Variants in EYA1 observed in about 807,000 individuals in gnomAD.
EYA1 encodes the protein EYA transcriptional coactivator and phosphatase 1.
In EYA1, 16 loss-of-function variants were observed where a neutral mutation model predicts 82.0. The observed-to-expected ratio is 0.20, with a 90% confidence interval of 0.13 to 0.30. The LOEUF is 0.30. Ranked by LOEUF, EYA1 falls within the 10% of genes least tolerant of loss-of-function variation. EYA1 has a pLI of 1.00. For synonymous variants in EYA1, 261 were observed against 264.4 expected (o/e 0.99, Z 0.12); for missense variants, 633 against 730.7 (o/e 0.87, Z 1.54).
At chr8:71,411,794 G>T (rs1372216538) in intron 2 of EYA1, among the ~76,000 whole-genome samples, 6 of 145,470 alleles carry the variant, frequency 4.1e-5, no homozygotes, top group Non-Finnish European at 7.5e-5. Context: ...CTGTAAACTA[G>T]TTCAACCATT....
chr8:71,390,725 G>A (rs1256924619), intron 2 of EYA1, among the ~76,000 whole-genome samples: 2 of 151,894 alleles, frequency 1.3e-5, no homozygotes, highest in Non-Finnish European at 2.9e-5. Flanking sequence ...ATTTTTTTCT[G>A]CATCAATTTA....
At chr8:71,236,902 A>G (rs539578194) in intron 12 of EYA1, among the ~76,000 whole-genome samples, 1 of 152,346 alleles carries the variant, frequency 6.6e-6, no homozygotes, top group East Asian at 1.9e-4. Flanking sequence ...TTCTGAATAC[A>G]TATTATGAAA....
rs751887655 is a variant in EYA1, at chr8:71,217,023, C to G, written c.1141G>C (p.Glu381Gln). ...TCATCTATATGGACTTGGTCACATT[C>G]CTAAAATGCAATTAAAATGATACAT... Reference protein sequence around the residue: ...DTHLFFNDLEECDQVHIDDVS... With the variant: ...DTHLFFNDLEQCDQVHIDDVS... The change falls in exon 13 of 18, where the codon GAA becomes CAA. Residue 381 changes from glutamate (E) to glutamine (Q), a missense_variant and splice_region_variant. Glu to Gln is a conservative substitution (Grantham distance 29). Coordinates refer to ENST00000340726, the MANE Select transcript of EYA1 (RefSeq NM_000503.6). 1 of 1,611,466 alleles carries G rather than the reference C, an allele frequency of 6.2e-7. No homozygotes were observed. Among genetic ancestry groups the G allele is most frequent in the Non-Finnish European group, 8.5e-7 (1 of 1,177,736 alleles).
At position 71,215,630 on chromosome 8, in the gene EYA1, A is replaced by G. The variant is rs121909200; in HGVS notation, c.1459T>C (p.Ser487Pro). ...GAGCCTCACCGGGAGTGAATGAGCG[A>G]GAGTGCTTTCAGGGCCAGTGTCAAC... ...SWLTLALKAL[S>P]LIHSRTNCVN... Residue 487 changes from serine (S) to proline (P), a missense_variant, in exon 15 of 18, where the codon TCG becomes CCG. Physicochemically the swap from Ser to Pro is moderately conservative, Grantham distance 74. Coordinates refer to ENST00000340726, the MANE Select transcript of EYA1 (RefSeq NM_000503.6). The G allele has an allele frequency of 6.2e-7, 1 of 1,614,096 alleles. No homozygotes were observed.
At chr8:71,206,917 G>A (rs548381372) in intron 17 of EYA1, among the ~76,000 whole-genome samples, 168 of 142,556 alleles carry the variant, frequency 1.2e-3, no homozygotes, top group Non-Finnish European at 1.8e-3. Context: ...CACCACGCCC[G>A]GGTAATTTTT....
chr8:71,199,480 T>G, intron 17 of EYA1, 60 bp from the exon 18 acceptor site: 1 of 1,230,398 alleles, frequency 8.1e-7, no homozygotes. Flanking sequence ...CCTGCCAGCT[T>G]TTTTGGAAAT....
intron 9 of EYA1, among the ~76,000 whole-genome samples, chr8:71,282,938 G>GTTTTTT (rs11330984): frequency 7.6e-6 from 1 of 131,440 alleles, no homozygotes; most frequent in Non-Finnish European, 1.6e-5. Context: ...ACACCACCTT[G>GTTTTTT]TTTTTTTTTT....
chr8:71,453,972 T>G (rs1437661087), intron 2 of EYA1, among the ~76,000 whole-genome samples: 1 of 152,122 alleles, frequency 6.6e-6, no homozygotes, highest in Non-Finnish European at 1.5e-5. Flanking sequence ...AGACACAGAC[T>G]GGCAAATTGG....
chr8:71,427,529 G>A (rs1332230562), intron 2 of EYA1, among the ~76,000 whole-genome samples: 1 of 152,166 alleles, frequency 6.6e-6, no homozygotes, highest in Non-Finnish European at 1.5e-5. Flanking sequence ...CCTCATTGAA[G>A]GCTGCTGAAT....
chr8:71,446,173 G>A lies in EYA1; in HGVS notation c.33+89571C>T, dbSNP rs554527259. Among the ~76,000 whole-genome samples the A allele has an allele frequency of 1.6e-4, 25 of 152,154 alleles. 1 individual carries two copies. The South Asian group carries it at 3.1e-3, about 19-fold the overall frequency. On this transcript the variant is annotated intron_variant, in intron 2 of 18. Transcript: ENST00000643681. ...TTCAAATTATTTTTAAAACACCATT[G>A]ATATGCTTTGGTTGTGTTCCCACCC...
chr8:71,250,485 T>C (rs1035170098), intron 11 of EYA1, among the ~76,000 whole-genome samples: 1 of 152,234 alleles, frequency 6.6e-6, no homozygotes, highest in African/African-American at 2.4e-5. Flanking sequence ...TATGTGTTCT[T>C]GTCTCGGCAG....
chr8:71,243,654 T>C (rs1169451709), intron 12 of EYA1, among the ~76,000 whole-genome samples: 1 of 152,244 alleles, frequency 6.6e-6, no homozygotes. Flanking sequence ...ATTTAAGTTC[T>C]GTCACACACT....
At chr8:71,398,159 TCTACA>T (rs1829741696) in intron 2 of EYA1, among the ~76,000 whole-genome samples, 1 of 152,188 alleles carries the variant, frequency 6.6e-6, no homozygotes, top group Admixed American at 6.5e-5. Context: ...TAAGGACTTC[TCTACA>T]CTGTTTATTC....
At chr8:71,495,006 T>A (rs1811310580) in intron 2 of EYA1, among the ~76,000 whole-genome samples, 1 of 152,020 alleles carries the variant, frequency 6.6e-6, no homozygotes, top group African/African-American at 2.4e-5. Flanking sequence ...TTTCTGTACT[T>A]CTGGAAGATA....
At chr8:71,201,923 A>G (rs1253201672) in intron 17 of EYA1, among the ~76,000 whole-genome samples, 1 of 152,144 alleles carries the variant, frequency 6.6e-6, no homozygotes, top group African/African-American at 2.4e-5. Flanking sequence ...GTCAACAGCT[A>G]AAGGGGTTAG....
intron 2 of EYA1, among the ~76,000 whole-genome samples, chr8:71,440,129 C>T (rs1806305385): frequency 6.6e-6 from 1 of 152,084 alleles, no homozygotes; most frequent in Non-Finnish European, 1.5e-5. Flanking sequence ...TGAAAATAGC[C>T]TATGAAAATA....
At position 71,455,863 on chromosome 8, in the gene EYA1, G is replaced by C. The variant is rs373670389; in HGVS notation, c.33+79881C>G. On this transcript the variant is annotated intron_variant, in intron 2 of 18. Transcript: ENST00000643681. ...AACTGGCACAAGACAGGGATGCCCT[G>C]TCTCACCACTCCTATTCAACATAGT... Among the ~76,000 whole-genome samples the C allele has an allele frequency of 5.1e-3, 778 of 152,156 alleles. 9 individuals carry two copies. The highest frequency in any genetic ancestry group is 0.018 in the African/African-American group (734 of 41,526).
intron 2 of EYA1, among the ~76,000 whole-genome samples, chr8:71,424,035 C>A (rs1276535553): frequency 6.6e-6 from 1 of 152,160 alleles, no homozygotes; most frequent in Non-Finnish European, 1.5e-5. Flanking sequence ...CAGCCAAAAT[C>A]TCTTTTCTAT....
At chr8:71,448,420 C>T (rs1261809407) in intron 2 of EYA1, among the ~76,000 whole-genome samples, 1 of 152,138 alleles carries the variant, frequency 6.6e-6, no homozygotes, top group Non-Finnish European at 1.5e-5. Context: ...TCAGTCACAT[C>T]TTGAGGATCC....
Sources: gnomAD v4.1 joint callset for allele counts (sites outside exome capture counted in the v4.1 genomes callset) on GRCh38, gnomAD v4.1.1 for gene constraint, MANE v1.5 for transcripts, NCBI Gene and HGNC (gene_info 2026-07-23, HGNC 2026-07-21) for gene names.